Variants in TRAK1 observed in about 807,000 individuals in gnomAD.
The protein encoded by TRAK1 is trafficking kinesin protein 1.
Under a neutral mutation model 92.1 loss-of-function variants are expected in TRAK1, and 33 were observed. The observed-to-expected ratio is 0.36, with a 90% CI of 0.27 to 0.48. The LOEUF (loss-of-function observed/expected upper bound fraction) is 0.48, where lower values mean the gene tolerates loss of function less well. TRAK1 is among the 20% of genes least tolerant of loss of function. TRAK1 has a pLI of 0.99. For missense variants in TRAK1, 1,123 were observed against 1,257.9 expected (o/e 0.89, Z 1.62); for synonymous variants, 521 against 517.3 (o/e 1.01, Z -0.10).
chr3:42,122,088 G>A (rs1490242656), intron 1 of TRAK1, among the ~76,000 whole-genome samples: 4 of 152,152 alleles, frequency 2.6e-5, no homozygotes, highest in Non-Finnish European at 5.9e-5. Context: ...AAAGTGCTGG[G>A]ATTACAGGTG....
At chr3:42,201,157 C>A in intron 12 of TRAK1, 103 bp downstream of exon 12, 1 of 1,277,698 alleles carries the variant, frequency 7.8e-7, no homozygotes, top group East Asian at 2.4e-5. Flanking sequence ...AGATGAGAGT[C>A]ACCTGAAAAA....
At chr3:42,061,291 GCACCCCCCCATGCACACCTCCCCCACGCA>G (rs1179233378) in intron 1 of TRAK1, among the ~76,000 whole-genome samples, 1 of 132,898 alleles carries the variant, frequency 7.5e-6, no homozygotes, top group Non-Finnish European at 1.6e-5. Context: ...ACCCACACAC[GCACCCCCCCATGCACACCTCCCCCACGCA>G]CACCCCCCCA....
At chr3:42,057,711 G>A (rs1259685996) in intron 1 of TRAK1, among the ~76,000 whole-genome samples, 1 of 152,078 alleles carries the variant, frequency 6.6e-6, no homozygotes, top group African/African-American at 2.4e-5. Context: ...GTGTGGCCAA[G>A]CAGAAAGGGA....
At chr3:42,109,610 C>G (rs548529279) in intron 1 of TRAK1, among the ~76,000 whole-genome samples, 4 of 152,294 alleles carry the variant, frequency 2.6e-5, no homozygotes, top group Admixed American at 1.3e-4. Flanking sequence ...CATTCTTTAA[C>G]TGTGTATTTG....
At chr3:42,105,245 C>G (rs922535161) in intron 1 of TRAK1, among the ~76,000 whole-genome samples, 1 of 152,146 alleles carries the variant, frequency 6.6e-6, no homozygotes, top group Admixed American at 6.5e-5. Context: ...TGAGCCACCA[C>G]GCCCAGCAGA....
At chr3:42,142,838 T>C (rs1283917480) in intron 2 of TRAK1, among the ~76,000 whole-genome samples, 1 of 152,266 alleles carries the variant, frequency 6.6e-6, no homozygotes, top group Non-Finnish European at 1.5e-5. Flanking sequence ...ATTAACTCTG[T>C]ACTCTTTTGG....
At chr3:42,175,360 T>G (rs1400387022) in intron 2 of TRAK1, among the ~76,000 whole-genome samples, 1 of 152,196 alleles carries the variant, frequency 6.6e-6, no homozygotes, top group Non-Finnish European at 1.5e-5. Context: ...CTCGAGCTGA[T>G]GGACTATCTA....
At chr3:42,163,533 A>C (rs1383435113) in intron 2 of TRAK1, among the ~76,000 whole-genome samples, 1 of 150,390 alleles carries the variant, frequency 6.6e-6, no homozygotes, top group Non-Finnish European at 1.5e-5. Flanking sequence ...GCGCCACTGC[A>C]CTCCAGCCTG....
At chr3:42,134,697 C>G (rs896070225) in intron 2 of TRAK1, among the ~76,000 whole-genome samples, 1 of 151,544 alleles carries the variant, frequency 6.6e-6, no homozygotes, top group Admixed American at 6.6e-5. Context: ...CGCCATTCAC[C>G]TGCCTCAGTC....
At chr3:42,121,020 C>G (rs971997710) in intron 1 of TRAK1, among the ~76,000 whole-genome samples, 3 of 152,182 alleles carry the variant, frequency 2.0e-5, no homozygotes, top group African/African-American at 7.2e-5. Flanking sequence ...CTCCTAGGAG[C>G]TGGGTAGCAG....
chr3:42,170,969 G>A lies in TRAK1; in HGVS notation c.287-5845G>A, dbSNP rs145242216. On this transcript the variant is annotated intron_variant, in intron 2 of 15. Coordinates refer to ENST00000327628, the MANE Select transcript of TRAK1 (RefSeq NM_001042646.3). ...CTCCCCAGTGGCTGGGACTACAGGT[G>A]CCTGCCACCACACCCTGCTAATTTT... Among the ~76,000 whole-genome samples the A allele has an allele frequency of 6.1e-3, 922 of 152,070 alleles. 6 individuals carry two copies. Among genetic ancestry groups the A allele is most frequent in the African/African-American group, 0.021 (870 of 41,500 alleles).
At chr3:42,127,271 G>A (rs963164905) in intron 2 of TRAK1, among the ~76,000 whole-genome samples, 1 of 151,874 alleles carries the variant, frequency 6.6e-6, no homozygotes, top group African/African-American at 2.4e-5. Flanking sequence ...CCTTTCCTTA[G>A]GAGACCCTCT....
At chr3:42,193,042 C>G in intron 7 of TRAK1, 33 bp from the exon 8 acceptor site, 1 of 1,611,134 alleles carries the variant, frequency 6.2e-7, no homozygotes, top group Non-Finnish European at 8.5e-7. Context: ...GGTTTTCTGA[C>G]TTCCTCTCCT....
At chr3:42,104,129 C>T (rs1707195396) in intron 1 of TRAK1, among the ~76,000 whole-genome samples, 1 of 152,152 alleles carries the variant, frequency 6.6e-6, no homozygotes, top group South Asian at 2.1e-4. Flanking sequence ...AGAGGGGCGT[C>T]CACCATTGCT....
At chr3:42,020,348 C>T (rs994973090) in intron 1 of TRAK1, among the ~76,000 whole-genome samples, 4 of 152,230 alleles carry the variant, frequency 2.6e-5, no homozygotes, top group African/African-American at 7.2e-5. Context: ...CTTGTGACCT[C>T]TATTACCATA....
intron 1 of TRAK1, among the ~76,000 whole-genome samples, chr3:42,102,576 G>T (rs1356959891): frequency 1.3e-5 from 2 of 152,198 alleles, no homozygotes; most frequent in African/African-American, 4.8e-5. Context: ...GAGGCGTCCT[G>T]AAAGCAGGTT....
intron 2 of TRAK1, among the ~76,000 whole-genome samples, chr3:42,156,188 G>A (rs1411629748): frequency 1.3e-5 from 2 of 152,206 alleles, no homozygotes; most frequent in African/African-American, 2.4e-5. Context: ...CCGGTCTTTG[G>A]GGGTTGTGTT....
At chr3:42,170,035 A>G (rs17287112) in intron 2 of TRAK1, among the ~76,000 whole-genome samples, 26,714 of 152,060 alleles carry the variant, frequency 0.18, 2,468 homozygotes, top group Non-Finnish European at 0.21. Context: ...TGAGAGTGGC[A>G]TCACTGGGTG....
intron 2 of TRAK1, among the ~76,000 whole-genome samples, chr3:42,139,601 C>T (rs1244029619): frequency 6.6e-6 from 1 of 152,100 alleles, no homozygotes; most frequent in Non-Finnish European, 1.5e-5. Context: ...CCTCATGGTC[C>T]CTGGGCTTAC....
Sources: gnomAD v4.1 joint callset for allele counts (sites outside exome capture counted in the v4.1 genomes callset) on GRCh38, gnomAD v4.1.1 for gene constraint, MANE v1.5 for transcripts, NCBI Gene and HGNC (gene_info 2026-07-23, HGNC 2026-07-21) for gene names.